RARB: variants seen among roughly 807,000 people sequenced by gnomAD.
RARB encodes the protein retinoic acid receptor beta, also known as HBV-activated protein.
Under a neutral mutation model 51.9 loss-of-function variants are expected in RARB, and 17 were observed. The ratio of observed to expected loss-of-function variants is 0.33; its 90% confidence interval spans 0.22 to 0.49. RARB has a LOEUF of 0.49. Among genes scored for constraint, RARB ranks in the 20% least tolerant of loss-of-function variants. The pLI is 0.99. For synonymous variants in RARB, 215 were observed against 195.4 expected (o/e 1.10, Z -0.84); for missense variants, 369 against 550.8 (o/e 0.67, Z 3.30).
At chr3:25,533,678 G>A (rs888002120) in intron 3 of RARB, among the ~76,000 whole-genome samples, 6 of 152,104 alleles carry the variant, frequency 3.9e-5, no homozygotes, top group African/African-American at 1.2e-4. Flanking sequence ...ATCATAAAAC[G>A]ATCCCATAGA....
At chr3:25,217,546 T>G (rs1210473780) in intron 5 of RARB, among the ~76,000 whole-genome samples, 1 of 151,912 alleles carries the variant, frequency 6.6e-6, no homozygotes, top group Admixed American at 6.6e-5. Flanking sequence ...GGAGGCAAGA[T>G]GGCATAGTAG....
At chr3:25,562,437 G>A (rs765758254) in intron 3 of RARB, among the ~76,000 whole-genome samples, 3 of 152,080 alleles carry the variant, frequency 2.0e-5, no homozygotes, top group African/African-American at 7.2e-5. Context: ...TCACAAACAC[G>A]AAGCCACAGA....
chr3:25,030,297 T>A (rs538682643), intron 2 of RARB, among the ~76,000 whole-genome samples: 3 of 152,378 alleles, frequency 2.0e-5, no homozygotes, highest in South Asian at 4.1e-4. Flanking sequence ...ATATATTTTT[T>A]AAATCATCAC....
At chr3:25,275,306 C>A (rs1265083665) in intron 5 of RARB, among the ~76,000 whole-genome samples, 1 of 152,068 alleles carries the variant, frequency 6.6e-6, no homozygotes, top group Admixed American at 6.5e-5. Context: ...ACAAAAGATA[C>A]AAAAATTAGC....
chr3:24,903,799 A>C (rs2125373652), intron 2 of RARB, among the ~76,000 whole-genome samples: 1 of 152,324 alleles, frequency 6.6e-6, no homozygotes, highest in Non-Finnish European at 1.5e-5. Context: ...GAGAAGACTG[A>C]AATATGTTCT....
intron 1 of RARB, chr3:25,441,359 A>G (rs1044931324): frequency 6.8e-6 from 2 of 295,114 alleles, no homozygotes; most frequent in South Asian, 3.7e-5. Context: ...GAATCAGTTC[A>G]CTGGACTTCG....
intron 4 of RARB, among the ~76,000 whole-genome samples, chr3:25,159,418 C>CA (rs900256864): frequency 1.3e-5 from 2 of 151,168 alleles, no homozygotes; most frequent in Admixed American, 6.6e-5. Flanking sequence ...ATCCACCCCC[C>CA]CCGCTCCCCC....
chr3:25,294,355 G>A (rs932711416), intron 5 of RARB, among the ~76,000 whole-genome samples: 4 of 152,174 alleles, frequency 2.6e-5, no homozygotes, highest in Non-Finnish European at 4.4e-5. Context: ...CCTTAGGCAA[G>A]TCCTGGTAGT....
rs199565476 is a variant in RARB, at chr3:25,030,244, G to T, written c.-379-29881G>T. Among the ~76,000 whole-genome samples the T allele has an allele frequency of 5.3e-5, 8 of 152,318 alleles. No homozygotes were observed. In the East Asian group the frequency reaches 1.3e-3, roughly 26 times the overall value. ...TTGTTCAACTTGTGTTTTATATTCTGCCCTTACACATGTTAAAGCCAGCAG... is the reference window on the plus strand; with the variant it reads ...TTGTTCAACTTGTGTTTTATATTCTTCCCTTACACATGTTAAAGCCAGCAG... On this transcript the variant is annotated intron_variant, in intron 2 of 11. Coordinates refer to the RARB transcript ENST00000383772.
intron 1 of RARB, among the ~76,000 whole-genome samples, chr3:24,833,438 T>C (rs997067068): frequency 2.4e-4 from 37 of 152,220 alleles, no homozygotes; most frequent in African/African-American, 8.7e-4. Flanking sequence ...CTTTAGGTAA[T>C]ATCTTTCATT....
chr3:24,984,778 C>T (rs1253500935), intron 2 of RARB, among the ~76,000 whole-genome samples: 1 of 152,052 alleles, frequency 6.6e-6, no homozygotes, highest in Admixed American at 6.5e-5. Context: ...GTTGGGGAAA[C>T]AGGTTAATCT....
chr3:25,159,557 CT>C (rs919939878), intron 4 of RARB, among the ~76,000 whole-genome samples: 1 of 152,128 alleles, frequency 6.6e-6, no homozygotes, highest in African/African-American at 2.4e-5. Flanking sequence ...AAAAGTGCCA[CT>C]TGGAAATATA....
At chr3:24,906,844 C>CAAAAAAAAAAAAAAAAAAAAAAAAAAA (rs397875286) in intron 2 of RARB, among the ~76,000 whole-genome samples, 1 of 76,040 alleles carries the variant, frequency 1.3e-5, no homozygotes, top group South Asian at 5.5e-4. Flanking sequence ...GATTCCGTCT[C>CAAAAAAAAAAAAAAAAAAAAAAAAAAA]AAAAAAAAAA....
At position 25,580,723 on chromosome 3, in the gene RARB, G is replaced by A; in HGVS notation, c.786+1G>A. On this transcript the variant is annotated splice_donor_variant, in intron 5 of 7. Transcript: ENST00000330688. LOFTEE classifies it high-confidence loss of function. Reference sequence around the variant, plus strand: ...GAAGGCCGCCTGCCTGGACATCCTGGTATGTGCCTTTTTGAGCTCTCAATG... The same window carrying A: ...GAAGGCCGCCTGCCTGGACATCCTGATATGTGCCTTTTTGAGCTCTCAATG... The A allele has an allele frequency of 6.3e-7, 1 of 1,596,870 alleles. No homozygotes were observed. Among genetic ancestry groups the A allele is most frequent in the Non-Finnish European group, 8.6e-7 (1 of 1,166,324 alleles).
At chr3:25,259,972 C>G (rs1434666298) in intron 5 of RARB, 1 of 985,198 alleles carries the variant, frequency 1.0e-6, no homozygotes, top group African/African-American at 1.7e-5. Context: ...GTGGAGCCAA[C>G]TTCTCAGCCA....
chr3:24,914,696 A>G, intron 2 of RARB, among the ~76,000 whole-genome samples: 1 of 152,200 alleles, frequency 6.6e-6, no homozygotes, highest in East Asian at 1.9e-4. Flanking sequence ...TGTATTGTTT[A>G]TGGAATGACA....
At chr3:25,217,103 G>A (rs575875579) in intron 5 of RARB, among the ~76,000 whole-genome samples, 3 of 152,164 alleles carry the variant, frequency 2.0e-5, no homozygotes, top group Admixed American at 6.5e-5. Flanking sequence ...TCCTTCATTA[G>A]GAGGAAGCGG....
intron 3 of RARB, among the ~76,000 whole-genome samples, chr3:25,128,169 A>T (rs1699891455): frequency 6.6e-6 from 1 of 152,124 alleles, no homozygotes; most frequent in South Asian, 2.1e-4. Flanking sequence ...CAAGGACAGC[A>T]GAATCACTGC....
chr3:25,163,225 G>C (rs929134785), intron 4 of RARB, among the ~76,000 whole-genome samples: 1 of 152,074 alleles, frequency 6.6e-6, no homozygotes, highest in Admixed American at 6.6e-5. Context: ...ATAATTATTT[G>C]TGGTGTGGTG....
Sources: gnomAD v4.1 joint callset for allele counts (sites outside exome capture counted in the v4.1 genomes callset) on GRCh38, gnomAD v4.1.1 for gene constraint, MANE v1.5 for transcripts, NCBI Gene and HGNC (gene_info 2026-07-23, HGNC 2026-07-21) for gene names.